The following WWOX variants were observed in gnomAD, a reference collection of about 807,000 sequenced individuals.
WWOX encodes WW domain-containing oxidoreductase.
WWOX carries 69 observed loss-of-function variants against 46.2 expected under a neutral mutation model. The observed-to-expected ratio is 1.49, with a 90% confidence interval of 1.23 to 1.82. WWOX has a LOEUF of 1.82. Ranked by LOEUF, WWOX falls within the 40% of genes most tolerant of loss-of-function variation. The pLI, the probability that WWOX is intolerant of heterozygous loss-of-function variation, is 0.00. For synonymous variants in WWOX, 359 were observed against 202.6 expected (o/e 1.77, Z -6.56); for missense variants, 919 against 542.6 (o/e 1.69, Z -6.89).
intron 8 of WWOX, chr16:78,897,490 A>G (rs978650309): frequency 3.3e-5 from 5 of 151,862 alleles, no homozygotes; most frequent in African/African-American, 1.2e-4. Flanking sequence ...ATCCATGTTG[A>G]TGGGTGTATT....
At chr16:79,077,989 C>T (rs1389854951) in intron 8 of WWOX, 1 of 152,128 alleles carries the variant, frequency 6.6e-6, no homozygotes. Context: ...CCTCTTGTGG[C>T]TACCTTGGGA....
chr16:78,641,224 T>A (rs2046701381), intron 8 of WWOX, among the ~76,000 whole-genome samples: 1 of 151,994 alleles, frequency 6.6e-6, no homozygotes, highest in South Asian at 2.1e-4. Flanking sequence ...AGGTCTAAGT[T>A]TCCCCCAGGA....
rs550412339 is a variant in WWOX, at chr16:78,510,800, A to G, written c.1056+78048A>G. Among the ~76,000 whole-genome samples the G allele has an allele frequency of 1.3e-3, 196 of 152,360 alleles. 2 individuals are homozygous for G. In the South Asian group the frequency reaches 0.016, roughly 12 times the overall value. ...ATTTTGGCAGGAGTGTTTGTTAAACATTTACCACAGCAGTGGATTCACTTC... is the reference window on the plus strand; with the variant it reads ...ATTTTGGCAGGAGTGTTTGTTAAACGTTTACCACAGCAGTGGATTCACTTC... On this transcript the variant is annotated intron_variant, in intron 8 of 8. Transcript: ENST00000566780.
rs192367849 is a variant in WWOX at position 78,633,792 on chromosome 16, A to C, written c.1056+201040A>C. ...ACTCCAGGCTGTGGTGTGCGGTGCA[A>C]CCCGGGCTGTGTTCCCGAGTGCATC... On this transcript the variant is annotated intron_variant, in intron 8 of 8. Coordinates refer to ENST00000566780, the MANE Select transcript of WWOX (RefSeq NM_016373.4). 2.6e-5 allele frequency among the ~76,000 whole-genome samples: 4 copies of C among 151,976 alleles called. No homozygotes were observed. The East Asian group carries it at 7.8e-4, about 29-fold the overall frequency.
chr16:78,964,372 T>C (rs935005110), intron 8 of WWOX, among the ~76,000 whole-genome samples: 8 of 152,152 alleles, frequency 5.3e-5, no homozygotes, highest in Non-Finnish European at 1.0e-4. Flanking sequence ...CGTTGGGAAT[T>C]GGAGCACAGG....
chr16:78,820,357 A>G (rs1184289173), intron 8 of WWOX, among the ~76,000 whole-genome samples: 1 of 152,188 alleles, frequency 6.6e-6, no homozygotes, highest in East Asian at 1.9e-4. Flanking sequence ...TGCCCTGAAT[A>G]CGCCAGAAAT....
Position 78,273,756 on chromosome 16 carries a change from G to GT in WWOX, c.516+109468dup, listed in dbSNP as rs556691358. 3.4e-3 allele frequency among the ~76,000 whole-genome samples: 523 copies of GT among 152,308 alleles called. 2 individuals are homozygous for GT. Among genetic ancestry groups the GT allele is most frequent in the South Asian group, 7.3e-3 (35 of 4,826 alleles). On this transcript the variant is annotated intron_variant, in intron 5 of 8. Transcript: ENST00000566780. ...AGCTCTGAAGGGGATGACAGGCGTG[G>GT]TGAATGGAGAAGGAAGGACAGAAGG...
At chr16:79,177,116 G>A (rs972861319) in intron 8 of WWOX, among the ~76,000 whole-genome samples, 7 of 152,292 alleles carry the variant, frequency 4.6e-5, no homozygotes, top group South Asian at 2.1e-4. Context: ...CAGTGCACAA[G>A]TCCTTCTGAG....
At chr16:78,827,756 A>G (rs1178890638) in intron 8 of WWOX, among the ~76,000 whole-genome samples, 2 of 151,968 alleles carry the variant, frequency 1.3e-5, no homozygotes, top group Admixed American at 6.5e-5. Context: ...CAGGAGAATC[A>G]CTTGAATCTG....
chr16:78,142,863 C>T (rs894950923), intron 4 of WWOX, among the ~76,000 whole-genome samples: 8 of 152,122 alleles, frequency 5.3e-5, no homozygotes, highest in African/African-American at 1.4e-4. Context: ...ATTCAATATT[C>T]GATGTTAAAT....
intron 8 of WWOX, among the ~76,000 whole-genome samples, chr16:78,607,145 A>C (rs1597339640): frequency 1.3e-5 from 2 of 152,346 alleles, no homozygotes; most frequent in East Asian, 3.9e-4. Context: ...TAGTTAAAAT[A>C]CAAAATGAGA....
intron 8 of WWOX, among the ~76,000 whole-genome samples, chr16:78,534,784 A>C (rs780992336): frequency 2.6e-5 from 4 of 151,982 alleles, no homozygotes; most frequent in Non-Finnish European, 4.4e-5. Context: ...ATCTCAGCTC[A>C]CTGCAACCTC....
In WWOX at chr16:78,160,805, A is replaced by T. The variant is rs74027904; in HGVS notation, c.410-3378A>T. On this transcript the variant is annotated intron_variant, in intron 4 of 8. Coordinates refer to ENST00000566780, the MANE Select transcript of WWOX (RefSeq NM_016373.4). Reference sequence around the variant, plus strand: ...ATATTCAATTATTTTCAGTTTATCAATTAAGTTGTTCAAGTCTTCTATATA... The same window carrying T: ...ATATTCAATTATTTTCAGTTTATCATTTAAGTTGTTCAAGTCTTCTATATA... Among the ~76,000 whole-genome samples the T allele has an allele frequency of 3.8e-3, 580 of 152,300 alleles. 3 individuals carry two copies. Among genetic ancestry groups the T allele is most frequent in the African/African-American group, 0.013 (550 of 41,574 alleles).
chr16:78,287,816 A>G (rs1384937377), intron 5 of WWOX, among the ~76,000 whole-genome samples: 1 of 152,204 alleles, frequency 6.6e-6, no homozygotes, highest in African/African-American at 2.4e-5. Flanking sequence ...TTTAAGATCA[A>G]TTATGTAATA....
At chr16:78,687,000 T>TA (rs2047876813) in intron 8 of WWOX, among the ~76,000 whole-genome samples, 1 of 152,222 alleles carries the variant, frequency 6.6e-6, no homozygotes. Flanking sequence ...CAGTTTTCCT[T>TA]ATGTTTCCCC....
chr16:78,700,570 G>T (rs2048192665), intron 8 of WWOX, among the ~76,000 whole-genome samples: 1 of 152,184 alleles, frequency 6.6e-6, no homozygotes, highest in South Asian at 2.1e-4. Context: ...GCCTTCACAG[G>T]CAGGAAACCC....
intron 8 of WWOX, among the ~76,000 whole-genome samples, chr16:78,719,992 T>C (rs1185536628): frequency 4.6e-5 from 7 of 152,240 alleles, no homozygotes; most frequent in Non-Finnish European, 1.5e-5. Flanking sequence ...GAAGGTTTTT[T>C]TCAGTTTAGA....
intron 5 of WWOX, among the ~76,000 whole-genome samples, chr16:78,300,274 G>A (rs951573910): frequency 2.0e-5 from 3 of 152,162 alleles, no homozygotes; most frequent in Non-Finnish European, 2.9e-5. Context: ...TAAATAGTTT[G>A]TCTCCAATAT....
intron 8 of WWOX, among the ~76,000 whole-genome samples, chr16:78,548,349 A>G (rs1372206827): frequency 6.6e-6 from 1 of 151,886 alleles, no homozygotes; most frequent in African/African-American, 2.4e-5. Context: ...AAAGAAAAAA[A>G]AAATCCAGAT....
Sources: allele counts gnomAD v4.1 joint callset (sites outside exome capture counted in the v4.1 genomes callset), GRCh38; gene constraint gnomAD v4.1.1; transcripts MANE v1.5; gene names NCBI Gene and HGNC (gene_info 2026-07-23, HGNC 2026-07-21).